Variants in INPP4B observed in about 807,000 individuals in gnomAD.
The protein encoded by INPP4B is inositol polyphosphate-4-phosphatase type II B.
INPP4B carries 55 observed loss-of-function variants against 122.5 expected under a neutral mutation model. The ratio of observed to expected loss-of-function variants is 0.45; its 90% confidence interval spans 0.36 to 0.56. The LOEUF (loss-of-function observed/expected upper bound fraction) is 0.56, where lower values mean the gene tolerates loss of function less well. Among genes scored for constraint, INPP4B ranks in the 20% least tolerant of loss-of-function variants. The pLI, the probability that INPP4B is intolerant of heterozygous loss-of-function variation, is 0.00. For missense variants in INPP4B, 1,000 were observed against 1,097.7 expected, an observed-to-expected ratio of 0.91 and a Z score of 1.26; for synonymous variants, 403 against 388.7, an observed-to-expected ratio of 1.04 and a Z score of -0.43.
At chr4:142,685,839 T>C (rs895592306) in intron 2 of INPP4B, among the ~76,000 whole-genome samples, 13 of 152,150 alleles carry the variant, frequency 8.5e-5, no homozygotes, top group Admixed American at 7.2e-4. Flanking sequence ...TCAAGACAAC[T>C]GACTTAAATA....
At chr4:142,826,307 T>C (rs1264229749) in intron 1 of INPP4B, among the ~76,000 whole-genome samples, 3 of 152,152 alleles carry the variant, frequency 2.0e-5, no homozygotes, top group Non-Finnish European at 4.4e-5. Context: ...TTCTTCGTTT[T>C]TACTATTCTT....
intron 15 of INPP4B, among the ~76,000 whole-genome samples, chr4:142,174,800 A>T (rs975259356): frequency 6.6e-6 from 1 of 151,942 alleles, no homozygotes; most frequent in African/African-American, 2.4e-5. Context: ...AAATTAAAAA[A>T]AAATTTTTTC....
rs573828670 is a variant in INPP4B at position 142,060,093 on chromosome 4, C to T, written c.2642+21938G>A. 1.4e-4 allele frequency among the ~76,000 whole-genome samples: 22 copies of T among 152,248 alleles called. No homozygotes were observed. The South Asian group carries it at 2.9e-3, about 20-fold the overall frequency. On this transcript the variant is annotated intron_variant, in intron 25 of 25. Transcript: ENST00000262992. ...CTGATTTTTGGTTTTGCACCTTTCACGATTTTTCAATGCAGGAATCTCACC... is the reference window on the plus strand; with the variant it reads ...CTGATTTTTGGTTTTGCACCTTTCATGATTTTTCAATGCAGGAATCTCACC...
chr4:142,772,606 G>A (rs964162051), intron 1 of INPP4B, among the ~76,000 whole-genome samples: 4 of 152,028 alleles, frequency 2.6e-5, no homozygotes, highest in Non-Finnish European at 4.4e-5. Flanking sequence ...AGGAATAAAC[G>A]AATAAACACA....
At chr4:142,625,884 A>T (rs1429468513) in intron 2 of INPP4B, among the ~76,000 whole-genome samples, 2 of 152,244 alleles carry the variant, frequency 1.3e-5, no homozygotes, top group Non-Finnish European at 1.5e-5. Flanking sequence ...AAATGGGGAA[A>T]GGATTCCCTA....
At chr4:142,631,050 A>G (rs1005101982) in intron 2 of INPP4B, among the ~76,000 whole-genome samples, 6 of 152,156 alleles carry the variant, frequency 3.9e-5, no homozygotes, top group African/African-American at 1.4e-4. Context: ...ATTAAAAAAT[A>G]CTATTTTACC....
intron 1 of INPP4B, among the ~76,000 whole-genome samples, chr4:142,838,243 A>G (rs1387928997): frequency 6.6e-6 from 1 of 152,078 alleles, no homozygotes; most frequent in African/African-American, 2.4e-5. Context: ...AGTAAATATG[A>G]TATAATTCTA....
chr4:142,600,927 C>G (rs910530678), intron 2 of INPP4B, among the ~76,000 whole-genome samples: 1 of 151,794 alleles, frequency 6.6e-6, no homozygotes, highest in Non-Finnish European at 1.5e-5. Flanking sequence ...TAAGGACTAA[C>G]AGCAGGAAAA....
chr4:142,658,326 C>T (rs1223336897), intron 2 of INPP4B, among the ~76,000 whole-genome samples: 2 of 152,188 alleles, frequency 1.3e-5, no homozygotes, highest in Non-Finnish European at 2.9e-5. Context: ...GTACAGGACT[C>T]ATGAAGAGCT....
intron 7 of INPP4B, among the ~76,000 whole-genome samples, chr4:142,375,831 T>A (rs1254628692): frequency 6.6e-6 from 1 of 151,954 alleles, no homozygotes; most frequent in African/African-American, 2.4e-5. Context: ...TTTGATAATA[T>A]CATTAGGAAT....
intron 2 of INPP4B, among the ~76,000 whole-genome samples, chr4:142,715,476 C>T (rs934441552): frequency 1.3e-5 from 2 of 152,120 alleles, no homozygotes; most frequent in African/African-American, 4.8e-5. Context: ...TAATAGGGGG[C>T]ATAGAATAAC....
At chr4:142,710,538 G>A (rs1443187) in intron 2 of INPP4B, among the ~76,000 whole-genome samples, 108,742 of 152,076 alleles carry the variant, frequency 0.72, 39,039 homozygotes, top group East Asian at 0.82. Context: ...ATAATAAAGA[G>A]GAGAATGGAA....
intron 2 of INPP4B, among the ~76,000 whole-genome samples, chr4:142,515,832 A>C (rs1370326475): frequency 6.6e-6 from 1 of 152,148 alleles, no homozygotes; most frequent in East Asian, 1.9e-4. Context: ...TTTTAATATT[A>C]TTATGGATGT....
At chr4:142,154,431 A>T (rs923492494) in intron 17 of INPP4B, among the ~76,000 whole-genome samples, 1 of 152,072 alleles carries the variant, frequency 6.6e-6, no homozygotes, top group Non-Finnish European at 1.5e-5. Flanking sequence ...GTCTATCTTG[A>T]ATTTTACCAC....
chr4:142,139,313 T>A (rs1287128421), intron 18 of INPP4B, among the ~76,000 whole-genome samples: 1 of 151,966 alleles, frequency 6.6e-6, no homozygotes. Flanking sequence ...ATTATTATTA[T>A]TATTATTATT....
chr4:142,773,245 A>T lies in INPP4B; in HGVS notation c.-253-47344T>A, dbSNP rs1033595196. Among the ~76,000 whole-genome samples, 4 of 152,092 alleles carry T rather than the reference A, an allele frequency of 2.6e-5. No homozygotes were observed. In the East Asian group the frequency reaches 7.7e-4, roughly 29 times the overall value. Reference sequence around the variant, plus strand: ...AAATAATATTAGCAAAAAATGTTAGAACTCTAGTGTGGCACAAGAGCAGAC... The same window carrying T: ...AAATAATATTAGCAAAAAATGTTAGTACTCTAGTGTGGCACAAGAGCAGAC... On this transcript the variant is annotated intron_variant, in intron 1 of 25. Coordinates refer to ENST00000262992, the MANE Select transcript of INPP4B (RefSeq NM_001101669.3).
intron 7 of INPP4B, among the ~76,000 whole-genome samples, chr4:142,320,391 G>A (rs762801530): frequency 2.0e-5 from 3 of 152,158 alleles, no homozygotes; most frequent in Non-Finnish European, 2.9e-5. Flanking sequence ...TTTTGGGAAC[G>A]ATCTTAGAAT....
chr4:142,574,308 T>C (rs1733414963), intron 2 of INPP4B, among the ~76,000 whole-genome samples: 2 of 152,048 alleles, frequency 1.3e-5, no homozygotes, highest in Admixed American at 1.3e-4. Flanking sequence ...TTATTCTGTT[T>C]CCTGACCTAA....
chr4:142,639,862 T>C (rs187915868), intron 2 of INPP4B, among the ~76,000 whole-genome samples: 1 of 152,200 alleles, frequency 6.6e-6, no homozygotes, highest in African/African-American at 2.4e-5. Flanking sequence ...AATTAAACCA[T>C]AAGTAAAAGT....
Sources: gnomAD v4.1 joint callset for allele counts (sites outside exome capture counted in the v4.1 genomes callset) on GRCh38, gnomAD v4.1.1 for gene constraint, MANE v1.5 for transcripts, NCBI Gene and HGNC (gene_info 2026-07-23, HGNC 2026-07-21) for gene names.